The following TRPM8 variants were observed in gnomAD, a reference collection of about 807,000 sequenced individuals.
TRPM8 encodes TRPM8 cationic channel.
In TRPM8, 110 loss-of-function variants were observed where a neutral mutation model predicts 133.7. The ratio of observed to expected loss-of-function variants is 0.82; its 90% CI spans 0.70 to 0.96. The LOEUF (loss-of-function observed/expected upper bound fraction) is 0.96, where lower values mean the gene tolerates loss of function less well. Ranked by LOEUF, TRPM8 falls within the 40% of genes least tolerant of loss-of-function variation. The pLI is 0.00. For synonymous variants in TRPM8, 535 were observed against 532.3 expected (o/e 1.01, Z -0.07); for missense variants, 1,291 against 1,379.5 (o/e 0.94, Z 1.02).
At position 233,926,574 on chromosome 2, in the gene TRPM8, A is replaced by G. The variant is rs763669034; in HGVS notation, c.37A>G (p.Arg13Gly). The G allele has an allele frequency of 6.2e-7, 1 of 1,614,178 alleles. No individual in the cohort carries two copies. Among genetic ancestry groups the G allele is most frequent in the South Asian group, 1.1e-5 (1 of 91,072 alleles). ...GGCAGCCAGGCTCAGCATGAGGAAC[A>G]GAAGGAATGACACTCTGGACAGCAC... is the stretch of plus-strand genomic sequence containing the variant. ...FRAARLSMRN[R>G]RNDTLDSTRT... is the part of the protein sequence containing the mutation. Residue 13 changes from arginine to glycine, a missense_variant, in exon 2 of 26, where the codon AGA (arginine) becomes GGA (glycine). Coordinates refer to ENST00000324695, the MANE Select transcript of TRPM8 (RefSeq NM_024080.5).
chr2:233,938,951 C>T, intron 4 of TRPM8, 47 bp from the exon 5 acceptor site: 2 of 1,592,692 alleles, frequency 1.3e-6, no homozygotes. Flanking sequence ...ACCCCGACCT[C>T]AGGAGAACAC....
chr2:234,001,286 T>A (rs1692557051), intron 22 of TRPM8, among the ~76,000 whole-genome samples: 1 of 152,172 alleles, frequency 6.6e-6, no homozygotes, highest in Admixed American at 6.5e-5. Flanking sequence ...GAGACCTTCC[T>A]GATTGTGTGG....
In TRPM8 at chr2:234,006,965, T is replaced by C. The variant is rs1256095071; in HGVS notation, c.3230+13T>C. ...ACACCTCAGAGGAGTATGTCAGACA[T>C]CCCTTTCTGCTTTGCAAGGCTCCCT... On this transcript the variant is annotated intron_variant, in intron 23 of 25. Coordinates refer to ENST00000324695, the MANE Select transcript of TRPM8 (RefSeq NM_024080.5). 1 of 1,603,774 alleles carries C rather than the reference T, an allele frequency of 6.2e-7. No individual in the cohort carries two copies. Among genetic ancestry groups the C allele is most frequent in the Non-Finnish European group, 8.5e-7 (1 of 1,170,956 alleles).
intron 8 of TRPM8, among the ~76,000 whole-genome samples, chr2:233,949,454 G>A (rs1186852685): frequency 6.6e-6 from 1 of 152,124 alleles, no homozygotes; most frequent in African/African-American, 2.4e-5. Context: ...ACAGGAGCAG[G>A]GGAAATTATT....
rs1045720206 is a variant in TRPM8 at position 233,937,493 on chromosome 2, T to A, written c.332T>A (p.Leu111Gln). The change falls in exon 4 of 26, where the codon CTG becomes CAG. Residue 111 changes from leucine to glutamine, a missense_variant. Transcript: ENST00000324695. Reference protein sequence around the residue: ...DAFGDIQFETLGKKGKYIRLS... With the variant: ...DAFGDIQFETQGKKGKYIRLS... Reference sequence around the variant, plus strand: ...TTTGGGGATATTCAGTTTGAGACACTGGGGAAGAAAGGGAAGGTAAGCAAT... The same window carrying A: ...TTTGGGGATATTCAGTTTGAGACACAGGGGAAGAAAGGGAAGGTAAGCAAT... 1.2e-6 allele frequency: 2 copies of A among 1,612,930 alleles called. No homozygotes were observed. The highest frequency in any genetic ancestry group is 4.5e-5 in the East Asian group (2 of 44,878).
intron 13 of TRPM8, among the ~76,000 whole-genome samples, chr2:233,963,644 G>A (rs1691494544): frequency 6.6e-6 from 1 of 152,080 alleles, no homozygotes; most frequent in Non-Finnish European, 1.5e-5. Flanking sequence ...AAGTGGAAAA[G>A]GTATTCACAT....
chr2:233,949,853 C>T (rs577228241), intron 8 of TRPM8, 96 bp from the exon 9 acceptor site: 125 of 1,082,400 alleles, frequency 1.2e-4, no homozygotes, highest in Non-Finnish European at 1.1e-4. Context: ...GGGATGTGTC[C>T]GTGTGTTTCC....
chr2:233,942,593 G>A lies in TRPM8; in HGVS notation c.544G>A (p.Gly182Arg). The change falls in exon 6 of 26, where the codon GGA becomes AGA. Residue 182 changes from glycine to arginine, a missense_variant. Gly to Arg is a moderately radical substitution (Grantham distance 125). Coordinates refer to ENST00000324695, the MANE Select transcript of TRPM8 (RefSeq NM_024080.5). ...AQSKGAWILT[G>R]GTHYGLMKYI... ...GTTGACAGGTGCTTGGATTCTCACG[G>A]GAGGCACCCATTATGGCCTGATGAA... is the stretch of plus-strand genomic sequence containing the variant. 6.2e-7 allele frequency: 1 copy of A among 1,614,172 alleles called. No individual in the cohort carries two copies.
chr2:233,980,081 A>T, intron 17 of TRPM8, 107 bp from the exon 18 acceptor site: 2 of 775,248 alleles, frequency 2.6e-6, no homozygotes, highest in East Asian at 5.5e-5. Context: ...CAAACACGTC[A>T]TTGGCTCAAA....
intron 8 of TRPM8, among the ~76,000 whole-genome samples, chr2:233,949,279 C>A (rs1309695648): frequency 6.6e-6 from 1 of 152,068 alleles, no homozygotes; most frequent in Non-Finnish European, 1.5e-5. Flanking sequence ...AAGTGCTTTT[C>A]AATTTTTTTT....
intron 22 of TRPM8, among the ~76,000 whole-genome samples, chr2:234,001,737 A>G (rs1438090456): frequency 6.6e-6 from 1 of 152,240 alleles, no homozygotes; most frequent in African/African-American, 2.4e-5. Flanking sequence ...ATGAAGTCTC[A>G]GTTCTGGGGC....
chr2:233,961,106 T>C, intron 12 of TRPM8, 40 bp downstream of exon 12: 1 of 1,589,398 alleles, frequency 6.3e-7, no homozygotes, highest in Non-Finnish European at 8.6e-7. Context: ...TTCTCGGATA[T>C]TTTGAGGCTT....
At position 233,970,343 on chromosome 2, in the gene TRPM8, A is replaced by G. The variant is rs1189867564; in HGVS notation, c.2272A>G (p.Met758Val). The G allele has an allele frequency of 1.2e-6, 2 of 1,614,028 alleles. No individual in the cohort carries two copies. The highest frequency in any genetic ancestry group is 1.7e-5 in the Admixed American group (1 of 60,016). The change falls in exon 17 of 26, where the codon ATG becomes GTG. Residue 758 changes from methionine (M) to valine (V), a missense_variant. Around this residue, in one of 2 missense-constraint regions of TRPM8, gnomAD observed 963 missense variants for 968.9 expected, o/e 0.99. Transcript: ENST00000324695. ...FLLLFAYVLL[M>V]DFHSVPHPPE... is the part of the protein sequence containing the mutation. Reference sequence around the variant, plus strand: ...CCTGCTGTTTGCCTACGTGCTGCTCATGGATTTCCATTCGGTGCCACACCC... The same window carrying G: ...CCTGCTGTTTGCCTACGTGCTGCTCGTGGATTTCCATTCGGTGCCACACCC...
chr2:233,999,208 A>T (rs1182808434), intron 22 of TRPM8, among the ~76,000 whole-genome samples: 1 of 152,048 alleles, frequency 6.6e-6, no homozygotes, highest in Non-Finnish European at 1.5e-5. Context: ...TCCTTGAAGC[A>T]TCCAGTGATT....
At chr2:233,942,060 G>A (rs1430554151) in intron 5 of TRPM8, among the ~76,000 whole-genome samples, 1 of 149,668 alleles carries the variant, frequency 6.7e-6, no homozygotes, top group Non-Finnish European at 1.5e-5. Flanking sequence ...ATCTGGAATA[G>A]GGTCAAGAAT....
intron 11 of TRPM8, among the ~76,000 whole-genome samples, chr2:233,957,840 T>C (rs892712772): frequency 6.6e-6 from 1 of 152,226 alleles, no homozygotes; most frequent in Non-Finnish European, 1.5e-5. Flanking sequence ...TTAGGACTTC[T>C]GTTTTCTTTG....
Position 233,985,881 on chromosome 2 carries a change from C to T in TRPM8, c.2939+16C>T, listed in dbSNP as rs760582618. On this transcript the variant is annotated intron_variant, in intron 21 of 25. Coordinates refer to ENST00000324695, the MANE Select transcript of TRPM8 (RefSeq NM_024080.5). ...CCATGTTTGGGTATGTGTTCAGTCACATGTTCACTGATGTCCACCCTGGGC... is the reference window on the plus strand; with the variant it reads ...CCATGTTTGGGTATGTGTTCAGTCATATGTTCACTGATGTCCACCCTGGGC... 2 of 1,601,496 alleles carry T rather than the reference C, an allele frequency of 1.2e-6. No homozygotes were observed. Among genetic ancestry groups the T allele is most frequent in the Admixed American group, 3.5e-5 (2 of 57,890 alleles).
intron 5 of TRPM8, among the ~76,000 whole-genome samples, chr2:233,940,763 A>G (rs1194135482): frequency 1.3e-5 from 2 of 152,224 alleles, no homozygotes; most frequent in African/African-American, 4.8e-5. Context: ...CAAAAGAGAA[A>G]AGATTTATTC....
At chr2:233,963,491 T>C (rs952149637) in intron 13 of TRPM8, 114 bp downstream of exon 13, 10 of 639,234 alleles carry the variant, frequency 1.6e-5, no homozygotes, top group African/African-American at 9.2e-5. Flanking sequence ...AAATGGGATG[T>C]CTGAGTTCAG....
Sources: gnomAD v4.1 joint callset for allele counts (sites outside exome capture counted in the v4.1 genomes callset) on GRCh38, gnomAD v4.1.1 for gene constraint, gnomAD v4.1.1 regional missense constraint, MANE v1.5 for transcripts, NCBI Gene and HGNC (gene_info 2026-07-23, HGNC 2026-07-21) for gene names.